NEK7: variants seen among roughly 807,000 people sequenced by gnomAD.
NEK7 encodes NIMA related kinase 7.
Under a neutral mutation model 44.6 loss-of-function variants are expected in NEK7, and 18 were observed. That is an observed-to-expected ratio of 0.40 (90% confidence interval 0.28 to 0.60). The LOEUF is 0.60. Among genes scored for constraint, NEK7 ranks in the 20% least tolerant of loss-of-function variants. NEK7 has a pLI of 0.38. For synonymous variants in NEK7, 130 were observed against 121.1 expected, an observed-to-expected ratio of 1.07 and a Z score of -0.48; for missense variants, 256 against 366.5, an observed-to-expected ratio of 0.70 and a Z score of 2.46.
rs191250980 is a variant in NEK7 at position 198,257,724 on chromosome 1, G to A, written c.198+4544G>A. On this transcript the variant is annotated intron_variant, in intron 3 of 9. Coordinates refer to ENST00000367385, the MANE Select transcript of NEK7 (RefSeq NM_133494.3). The stretch of plus-strand genomic sequence containing the variant: ...AATGTTAGTTTTTACTTGTCAAGGT[G>A]GAATAGGCTTTTATCTTTAAAATTA... Among the ~76,000 whole-genome samples the A allele has an allele frequency of 1.4e-4, 22 of 152,164 alleles. No individual in the cohort carries two copies. In the East Asian group the frequency reaches 4.2e-3, roughly 29 times the overall value.
intron 3 of NEK7, among the ~76,000 whole-genome samples, chr1:198,254,669 C>A (rs574111336): frequency 6.6e-6 from 1 of 152,158 alleles, no homozygotes; most frequent in Non-Finnish European, 1.5e-5. Context: ...ACAAGAATTT[C>A]TCTCTTGTTT....
chr1:198,271,905 TTATATA>T (rs34354855), intron 5 of NEK7, among the ~76,000 whole-genome samples: 3 of 141,390 alleles, frequency 2.1e-5, no homozygotes, highest in Non-Finnish European at 3.1e-5. Flanking sequence ...AATTTATATT[TTATATA>T]TATATATATA....
rs1211359478 is a variant in NEK7 at position 198,320,928 on chromosome 1, ATG to A, written c.*1410_*1411del. 1.3e-5 allele frequency: 2 copies of A among 152,296 alleles called. No individual in the cohort carries two copies. Among genetic ancestry groups the A allele is most frequent in the Non-Finnish European group, 2.9e-5 (2 of 68,034 alleles). 9.4% of individuals were successfully genotyped at this position (152,296 alleles called of 1,614,324 possible). ...GAATTTCGTAAATGCTGTTGTGCAG[ATG>A]TGTTTTCCCTGAATGCTTTCGTATT... On this transcript the variant is annotated 3_prime_UTR_variant, in exon 10 of 10. Coordinates refer to ENST00000367385, the MANE Select transcript of NEK7 (RefSeq NM_133494.3).
At chr1:198,245,710 C>A (rs116033126) in intron 2 of NEK7, among the ~76,000 whole-genome samples, 3,373 of 152,042 alleles carry the variant, frequency 0.022, 145 homozygotes, top group African/African-American at 0.077. Flanking sequence ...GTGGAAGAAA[C>A]AAAGTGGGTT....
At chr1:198,211,232 CTT>C (rs1399259653) in intron 1 of NEK7, among the ~76,000 whole-genome samples, 2 of 152,056 alleles carry the variant, frequency 1.3e-5, no homozygotes, top group Non-Finnish European at 2.9e-5. Context: ...TCATTTTTAA[CTT>C]ATTTCTTTGT....
chr1:198,255,961 C>G lies in NEK7; in HGVS notation c.198+2781C>G, dbSNP rs1571579594. Among the ~76,000 whole-genome samples the G allele has an allele frequency of 2.0e-5, 3 of 152,190 alleles. No homozygotes were observed. In the South Asian group the frequency reaches 6.2e-4, roughly 32 times the overall value. On this transcript the variant is annotated intron_variant, in intron 3 of 9. Transcript: ENST00000367385. ...AAAGTCATCTCTGCAGCTTAAAATA[C>G]AAAATTTTATAATATTGCTGACCAA...
chr1:198,211,004 G>A (rs547242233), intron 1 of NEK7, among the ~76,000 whole-genome samples: 56 of 151,794 alleles, frequency 3.7e-4, no homozygotes, highest in African/African-American at 1.3e-3. Context: ...CGCCCGCCTC[G>A]GCCTCCCAAA....
chr1:198,256,513 A>G (rs1653270754), intron 3 of NEK7: 2 of 1,539,062 alleles, frequency 1.3e-6, no homozygotes, highest in East Asian at 4.7e-5. Flanking sequence ...CTAATAAAAC[A>G]ATTTTGAAAT....
At chr1:198,200,010 TTAAGA>T (rs1207234368) in intron 1 of NEK7, among the ~76,000 whole-genome samples, 1 of 152,190 alleles carries the variant, frequency 6.6e-6, no homozygotes, top group Non-Finnish European at 1.5e-5. Flanking sequence ...TTGCTCTCCT[TTAAGA>T]TTACTTAAAT....
intron 1 of NEK7, among the ~76,000 whole-genome samples, chr1:198,209,052 TATATATAC>T (rs1396633669): frequency 1.4e-5 from 2 of 138,616 alleles, no homozygotes; most frequent in African/African-American, 2.8e-5. Flanking sequence ...TATATATATA[TATATATAC>T]ACACACACAT....
At chr1:198,163,673 G>T (rs1460096576) in intron 1 of NEK7, among the ~76,000 whole-genome samples, 1 of 152,020 alleles carries the variant, frequency 6.6e-6, no homozygotes, top group Non-Finnish European at 1.5e-5. Flanking sequence ...AGATTTTTCT[G>T]GGGGGAGGAT....
chr1:198,235,966 A>G (rs1666534788), intron 2 of NEK7, among the ~76,000 whole-genome samples: 2 of 152,178 alleles, frequency 1.3e-5, no homozygotes, highest in South Asian at 2.1e-4. Flanking sequence ...CCAGTAAGGT[A>G]GACTGACCAT....
chr1:198,186,354 GT>G (rs1450073119), intron 1 of NEK7, among the ~76,000 whole-genome samples: 1 of 152,120 alleles, frequency 6.6e-6, no homozygotes, highest in Non-Finnish European at 1.5e-5. Context: ...TCCTTTAAAA[GT>G]TTCAAAGGCC....
At chr1:198,315,034 C>G (rs1008439213) in intron 9 of NEK7, among the ~76,000 whole-genome samples, 5 of 152,184 alleles carry the variant, frequency 3.3e-5, no homozygotes, top group African/African-American at 9.6e-5. Context: ...CCCCCAGCCT[C>G]GCCGCCACCT....
chr1:198,174,390 G>T (rs1664539262), intron 1 of NEK7, among the ~76,000 whole-genome samples: 1 of 151,830 alleles, frequency 6.6e-6, no homozygotes, highest in East Asian at 1.9e-4. Context: ...AATCTCAAAG[G>T]TACAAGTATT....
intron 2 of NEK7, among the ~76,000 whole-genome samples, chr1:198,242,763 A>G (rs1304353399): frequency 2.0e-5 from 3 of 150,792 alleles, no homozygotes; most frequent in Non-Finnish European, 3.0e-5. Context: ...TGCCTGGCCA[A>G]TCTCAGCTCA....
At chr1:198,249,193 A>C (rs573978603) in intron 2 of NEK7, among the ~76,000 whole-genome samples, 8 of 151,896 alleles carry the variant, frequency 5.3e-5, no homozygotes, top group African/African-American at 1.9e-4. Flanking sequence ...TTCCAGTTTC[A>C]TCCATGTCCC....
chr1:198,203,611 A>G (rs1464662306), intron 1 of NEK7, among the ~76,000 whole-genome samples: 1 of 152,256 alleles, frequency 6.6e-6, no homozygotes, highest in Non-Finnish European at 1.5e-5. Context: ...ATTTTGGAGA[A>G]TAAAGCCCCT....
chr1:198,217,840 T>C (rs199891420), intron 1 of NEK7, among the ~76,000 whole-genome samples: 1 of 107,252 alleles, frequency 9.3e-6, no homozygotes, highest in Non-Finnish European at 2.2e-5. Context: ...ACAATAGCTA[T>C]AAAAAAAAAA....
Sources: allele counts gnomAD v4.1 joint callset (sites outside exome capture counted in the v4.1 genomes callset), GRCh38; gene constraint gnomAD v4.1.1; transcripts MANE v1.5; gene names NCBI Gene and HGNC (gene_info 2026-07-23, HGNC 2026-07-21).